The following GALNT2 variants were observed in gnomAD, a reference collection of about 807,000 sequenced individuals.
The protein encoded by GALNT2 is polypeptide N-acetylgalactosaminyltransferase 2.
A neutral mutation model predicts 81.4 loss-of-function variants in GALNT2; 31 were observed. The observed-to-expected ratio is 0.38, with a 90% confidence interval of 0.29 to 0.51. The LOEUF (loss-of-function observed/expected upper bound fraction) is 0.51, where lower values mean the gene tolerates loss of function less well. Ranked by LOEUF, GALNT2 falls within the 20% of genes least tolerant of loss-of-function variation. The probability of loss-of-function intolerance (pLI) is 0.87; values close to 1 mark genes in which losing one functional copy is unlikely to be tolerated. For synonymous variants in GALNT2, 303 were observed against 287.4 expected, an observed-to-expected ratio of 1.05 and a Z score of -0.55; for missense variants, 629 against 765.7, an observed-to-expected ratio of 0.82 and a Z score of 2.11.
chr1:230,181,216 A>T (rs949617020), intron 2 of GALNT2, among the ~76,000 whole-genome samples: 1 of 152,080 alleles, frequency 6.6e-6, no homozygotes, highest in Non-Finnish European at 1.5e-5. Flanking sequence ...ATTAAGTATG[A>T]TGTTAGCTGC....
chr1:230,237,148 A>G (rs1214107424), intron 6 of GALNT2, among the ~76,000 whole-genome samples: 1 of 152,260 alleles, frequency 6.6e-6, no homozygotes, highest in Non-Finnish European at 1.5e-5. Flanking sequence ...ATGGGGAGAC[A>G]GTACTGCAAT....
At chr1:230,063,598 AC>A (rs1442089222), upstream of GALNT2, among the ~76,000 whole-genome samples, 1 of 152,184 alleles carries the variant, frequency 6.6e-6, no homozygotes, top group African/African-American at 2.4e-5. Context: ...GACTTCCATA[AC>A]CTTTTTTCTT....
intron 1 of GALNT2, among the ~76,000 whole-genome samples, chr1:230,165,873 T>C (rs1662585762): frequency 6.6e-6 from 1 of 152,236 alleles, no homozygotes; most frequent in Admixed American, 6.5e-5. Context: ...AGTCCTGCTG[T>C]AGGTCACTCA....
At chr1:230,252,542 G>A (rs1665579831) in intron 10 of GALNT2, among the ~76,000 whole-genome samples, 1 of 152,138 alleles carries the variant, frequency 6.6e-6, no homozygotes, top group African/African-American at 2.4e-5. Flanking sequence ...GTCTGCAGAG[G>A]TCATGACACC....
intron 3 of GALNT2, among the ~76,000 whole-genome samples, chr1:230,231,526 G>A (rs902100028): frequency 2.0e-5 from 3 of 152,148 alleles, no homozygotes; most frequent in Non-Finnish European, 4.4e-5. Context: ...AAGAGCTTGC[G>A]TTTGGTTATT....
intron 1 of GALNT2, among the ~76,000 whole-genome samples, chr1:230,143,472 G>C (rs1424215308): frequency 6.6e-6 from 1 of 152,152 alleles, no homozygotes; most frequent in Non-Finnish European, 1.5e-5. Context: ...TCCTTCATGG[G>C]GTCCTGAAGT....
intron 1 of GALNT2, among the ~76,000 whole-genome samples, chr1:230,074,567 G>C (rs1490390312): frequency 6.6e-6 from 1 of 152,222 alleles, no homozygotes; most frequent in East Asian, 1.9e-4. Flanking sequence ...CCTTGGTAGA[G>C]AACCACTGCC....
intron 1 of GALNT2, among the ~76,000 whole-genome samples, chr1:230,099,885 A>G (rs1660353030): frequency 1.3e-5 from 2 of 152,200 alleles, no homozygotes; most frequent in African/African-American, 2.4e-5. Flanking sequence ...TGTTTCCATT[A>G]TAGGATTATG....
At position 230,255,096 on chromosome 1, in the gene GALNT2, A is replaced by G. The variant is rs56667021; in HGVS notation, c.1010-122A>G. 6,104 of 1,390,500 alleles carry G rather than the reference A, an allele frequency of 4.4e-3. 171 individuals carry two copies. The African/African-American group carries it at 0.07, about 16-fold the overall frequency. The allele number at this position is 1,390,500 out of a possible 1,614,324, so 86.1% of individuals were successfully genotyped here. ...TCCTTATCAGATCTCCTTCAGCAGC[A>G]GAGGGCATGGGAGCCCCATGATGGG... On this transcript the variant is annotated intron_variant, in intron 10 of 15. Coordinates refer to ENST00000366672, the MANE Select transcript of GALNT2 (RefSeq NM_004481.5).
chr1:230,162,351 G>A (rs150010951), intron 1 of GALNT2, among the ~76,000 whole-genome samples: 2 of 152,226 alleles, frequency 1.3e-5, no homozygotes, highest in East Asian at 3.9e-4. Flanking sequence ...TAGCATTCCG[G>A]GTGATGCTAC....
In GALNT2 at chr1:230,159,325, TTTCTCTTAAAGTGTTCAGCAC is replaced by T. The variant is rs1662360052; in HGVS notation, c.127-18891_127-18871del. 3.5e-5 allele frequency among the ~76,000 whole-genome samples: 4 copies of T among 114,726 alleles called. No homozygotes were observed. In the South Asian group the frequency reaches 1.1e-3, roughly 30 times the overall value. 75.3% of individuals were successfully genotyped at this position (114,726 alleles called of 152,430 possible). A position where few individuals can be genotyped will look rare whatever the true frequency, so the allele number is the denominator to read the frequency against. On this transcript the variant is annotated intron_variant, in intron 1 of 15. Transcript: ENST00000366672. ...ACGAAGGCAAAGCCTTCTACTGCTT[TTTCTCTTAAAGTGTTCAGCAC>T]TCCCCTGAGTTTATTAGAAGGATCA...
chr1:230,104,560 G>GTGGT, intron 1 of GALNT2, among the ~76,000 whole-genome samples: 1 of 152,358 alleles, frequency 6.6e-6, no homozygotes, highest in African/African-American at 2.4e-5. Context: ...AGGGAAACAG[G>GTGGT]TGGTTGGAGC....
chr1:230,262,776 G>A, intron 12 of GALNT2, 111 bp downstream of exon 12: 3 of 1,328,514 alleles, frequency 2.3e-6, no homozygotes, highest in Non-Finnish European at 3.2e-6. Flanking sequence ...GCCAAGGCGG[G>A]AAGGGGTTGT....
chr1:230,274,963 ACAC>A (rs1447268403), intron 15 of GALNT2, among the ~76,000 whole-genome samples: 1 of 142,994 alleles, frequency 7.0e-6, no homozygotes, highest in Admixed American at 7.1e-5. Context: ...ACATATATAC[ACAC>A]CACATATATA....
At chr1:230,075,990 C>T (rs572525042) in intron 1 of GALNT2, among the ~76,000 whole-genome samples, 26 of 152,276 alleles carry the variant, frequency 1.7e-4, no homozygotes, top group African/African-American at 6.3e-4. Context: ...AGCCAGTTTT[C>T]TTTCCCGAAG....
At chr1:230,156,982 A>G (rs1235021200) in intron 1 of GALNT2, among the ~76,000 whole-genome samples, 1 of 152,310 alleles carries the variant, frequency 6.6e-6, no homozygotes, top group East Asian at 1.9e-4. Flanking sequence ...TTATGTTTTG[A>G]TTTGGAGAAA....
In GALNT2 at chr1:230,171,917, GC is replaced by G. The variant is rs576357431; in HGVS notation, c.127-6295del. 1.3e-3 allele frequency among the ~76,000 whole-genome samples: 202 copies of G among 151,330 alleles called. No homozygotes were observed. The Middle Eastern group carries it at 0.02, about 15-fold the overall frequency. ...GGGCTTCCAACACCTCACAGCCCCT[GC>G]CCCCCACCCCTGTCCCACACAAATG... is the stretch of plus-strand genomic sequence containing the variant. On this transcript the variant is annotated intron_variant, in intron 1 of 15. Transcript: ENST00000366672.
intron 1 of GALNT2, among the ~76,000 whole-genome samples, chr1:230,117,614 G>A (rs929125591): frequency 6.6e-6 from 1 of 152,138 alleles, no homozygotes; most frequent in African/African-American, 2.4e-5. Flanking sequence ...AGTGAGTGGG[G>A]GAGTCAGAAC....
intron 3 of GALNT2, among the ~76,000 whole-genome samples, chr1:230,223,680 A>G (rs1028160989): frequency 7.9e-5 from 12 of 152,184 alleles, no homozygotes; most frequent in African/African-American, 2.4e-4. Flanking sequence ...CATATTGGCC[A>G]GGCTGGTCTT....
Sources: gnomAD v4.1 joint callset for allele counts (sites outside exome capture counted in the v4.1 genomes callset) on GRCh38, gnomAD v4.1.1 for gene constraint, MANE v1.5 for transcripts, NCBI Gene and HGNC (gene_info 2026-07-23, HGNC 2026-07-21) for gene names.